The following DPP10 variants were observed in gnomAD, a reference collection of about 807,000 sequenced individuals.
DPP10 encodes the protein dipeptidyl peptidase like 10, also known as inactive dipeptidyl peptidase 10.
DPP10 carries 33 observed loss-of-function variants against 120.9 expected under a neutral mutation model. The ratio of observed to expected loss-of-function variants is 0.27; its 90% CI spans 0.21 to 0.37. The LOEUF (loss-of-function observed/expected upper bound fraction) is 0.37, where lower values mean the gene tolerates loss of function less well. Ranked by LOEUF, DPP10 falls within the 10% of genes least tolerant of loss-of-function variation. DPP10 has a pLI of 1.00. For synonymous variants in DPP10, 337 were observed against 326.1 expected, an observed-to-expected ratio of 1.03 and a Z score of -0.36; for missense variants, 816 against 942.8, an observed-to-expected ratio of 0.87 and a Z score of 1.76.
chr2:114,636,334 A>C lies in DPP10; in HGVS notation c.60+193496A>C, dbSNP rs770143933. Among the ~76,000 whole-genome samples the C allele has an allele frequency of 3.7e-4, 56 of 152,028 alleles. 3 individuals carry two copies. The highest frequency in any genetic ancestry group is 1.2e-3 in the African/African-American group (50 of 41,248). On this transcript the variant is annotated intron_variant, in intron 1 of 25. Transcript: ENST00000410059. ...CCTAATAATTTTTATAGCTTCAACA[A>C]GAACATTCTTATATAACATTGGCAT...
In DPP10 at chr2:115,791,138, T is replaced by C. The variant is rs763534466; in HGVS notation, c.1589T>C (p.Ile530Thr). 8.7e-6 allele frequency: 14 copies of C among 1,613,654 alleles called. No individual in the cohort carries two copies. Among genetic ancestry groups the C allele is most frequent in the Non-Finnish European group, 1.1e-5 (13 of 1,179,794 alleles). Residue 530 changes from isoleucine (I) to threonine (T), a missense_variant, in exon 18 of 26, where the codon ATA becomes ACA. Transcript: ENST00000410059. ...MLKEAILKKK[I>T]GKPEIKILHI... ...AAGGAAGCTATCCTGAAGAAGAAGA[T>C]AGGAAAGCCAGAAATTAAAATCCTT... is the stretch of plus-strand genomic sequence containing the variant.
chr2:115,384,824 G>A (rs923346872), intron 3 of DPP10, among the ~76,000 whole-genome samples: 1 of 152,164 alleles, frequency 6.6e-6, no homozygotes, highest in Non-Finnish European at 1.5e-5. Flanking sequence ...GGTATGGTTT[G>A]GCTCTTTTCT....
At chr2:114,881,416 A>G (rs1411986259) in intron 1 of DPP10, among the ~76,000 whole-genome samples, 1 of 151,896 alleles carries the variant, frequency 6.6e-6, no homozygotes. Context: ...TCTACCATTT[A>G]CCTATCTATC....
At chr2:115,203,834 A>G (rs930628645) in intron 1 of DPP10, among the ~76,000 whole-genome samples, 1 of 152,002 alleles carries the variant, frequency 6.6e-6, no homozygotes, top group Non-Finnish European at 1.5e-5. Flanking sequence ...CTTTTCTCCT[A>G]TCTATTCAAT....
At chr2:115,481,433 G>A (rs548306399) in intron 3 of DPP10, among the ~76,000 whole-genome samples, 3 of 152,116 alleles carry the variant, frequency 2.0e-5, no homozygotes, top group Non-Finnish European at 4.4e-5. Flanking sequence ...TATAAGCATC[G>A]TTCATTCATT....
At chr2:114,464,722 G>A (rs1573405478) in intron 1 of DPP10, among the ~76,000 whole-genome samples, 1 of 152,028 alleles carries the variant, frequency 6.6e-6, no homozygotes, top group African/African-American at 2.4e-5. Flanking sequence ...TCCATTGGCC[G>A]AGAGCTGTGG....
intron 1 of DPP10, among the ~76,000 whole-genome samples, chr2:115,293,390 A>T (rs2060743920): frequency 6.6e-6 from 1 of 152,138 alleles, no homozygotes; most frequent in Admixed American, 6.5e-5. Context: ...AGAGTGGGCA[A>T]GAGTTGGGAG....
chr2:115,568,173 C>T (rs747750907), intron 5 of DPP10, among the ~76,000 whole-genome samples: 7 of 141,492 alleles, frequency 4.9e-5, no homozygotes, highest in South Asian at 2.3e-4. Context: ...AGAGAGACTC[C>T]GTCTCAAAAA....
At chr2:114,646,950 T>C (rs1696183880) in intron 1 of DPP10, among the ~76,000 whole-genome samples, 1 of 152,182 alleles carries the variant, frequency 6.6e-6, no homozygotes, top group South Asian at 2.1e-4. Flanking sequence ...AAACTGAAAT[T>C]CAAATCAGAG....
At chr2:115,240,723 A>C (rs1285481208) in intron 1 of DPP10, among the ~76,000 whole-genome samples, 1 of 152,226 alleles carries the variant, frequency 6.6e-6, no homozygotes, top group East Asian at 1.9e-4. Context: ...TATGGAGTCG[A>C]ACCCACAATG....
intron 1 of DPP10, among the ~76,000 whole-genome samples, chr2:114,864,972 G>T (rs1690111893): frequency 6.6e-6 from 1 of 152,182 alleles, no homozygotes; most frequent in South Asian, 2.1e-4. Flanking sequence ...AATAGGACAG[G>T]TCATTCTAGC....
intron 5 of DPP10, among the ~76,000 whole-genome samples, chr2:115,658,565 A>C (rs923754666): frequency 6.6e-6 from 1 of 152,174 alleles, no homozygotes; most frequent in African/African-American, 2.4e-5. Flanking sequence ...ACCAGGGAAT[A>C]ATTGATGCTG....
chr2:114,644,317 C>A (rs1028333567), intron 1 of DPP10, among the ~76,000 whole-genome samples: 23 of 150,176 alleles, frequency 1.5e-4, no homozygotes, highest in African/African-American at 5.5e-4. Context: ...GTAGTCCTAC[C>A]TAATATAGTT....
rs957137561 is a variant in DPP10, at chr2:114,532,238, A to G, written c.60+89400A>G. Among the ~76,000 whole-genome samples the G allele has an allele frequency of 2.9e-5, 4 of 137,008 alleles. No individual in the cohort carries two copies. In the Admixed American group the frequency reaches 3.0e-4, roughly 10 times the overall value. The allele number at this position is 137,008 out of a possible 152,430, so 89.9% of individuals were successfully genotyped here. A position where few individuals can be genotyped will look rare whatever the true frequency, so the allele number is the denominator to read the frequency against. ...TGGCCTCCCATAACTGCACGAGCCA[A>G]TTCCCATAATAAATCTCCATATATA... On this transcript the variant is annotated intron_variant, in intron 1 of 25. Coordinates refer to ENST00000410059, the MANE Select transcript of DPP10 (RefSeq NM_020868.6).
At chr2:115,422,186 A>G (rs570889439) in intron 3 of DPP10, among the ~76,000 whole-genome samples, 1 of 152,300 alleles carries the variant, frequency 6.6e-6, no homozygotes, top group African/African-American at 2.4e-5. Context: ...CAGTCCTCCC[A>G]AGGATCATTC....
At chr2:115,805,558 C>T (rs541626897) in intron 19 of DPP10, among the ~76,000 whole-genome samples, 35 of 150,556 alleles carry the variant, frequency 2.3e-4, no homozygotes, top group Middle Eastern at 3.4e-3. Context: ...TGTTCCTATT[C>T]GGCCATCTTG....
chr2:115,588,876 C>T (rs2082452819), intron 5 of DPP10, among the ~76,000 whole-genome samples: 1 of 152,094 alleles, frequency 6.6e-6, no homozygotes, highest in Non-Finnish European at 1.5e-5. Context: ...GGGCAAATAA[C>T]AATACAAAAA....
intron 1 of DPP10, among the ~76,000 whole-genome samples, chr2:114,547,454 C>A (rs72840638): frequency 0.026 from 3,917 of 147,834 alleles, 69 homozygotes; most frequent in Middle Eastern, 0.045. Flanking sequence ...AAAGAAATAG[C>A]TTTTTTTTTT....
At chr2:114,850,052 CT>C (rs35017569) in intron 1 of DPP10, among the ~76,000 whole-genome samples, 11,677 of 128,140 alleles carry the variant, frequency 0.091, 613 homozygotes, top group Non-Finnish European at 0.12. Flanking sequence ...CCTTCTCTTT[CT>C]TTTTTTTTTT....
Sources: allele counts gnomAD v4.1 joint callset (sites outside exome capture counted in the v4.1 genomes callset), GRCh38; gene constraint gnomAD v4.1.1; transcripts MANE v1.5; gene names NCBI Gene and HGNC (gene_info 2026-07-23, HGNC 2026-07-21).